Variants in PAK1IP1 observed in about 807,000 individuals in gnomAD.
PAK1IP1 encodes PAK1 interacting protein 1, also known as p21-activated protein kinase-interacting protein 1.
Under a neutral mutation model 42.0 loss-of-function variants are expected in PAK1IP1, and 24 were observed. The ratio of observed to expected loss-of-function variants is 0.57; its 90% CI spans 0.41 to 0.80. The LOEUF (loss-of-function observed/expected upper bound fraction) is 0.80, where lower values mean the gene tolerates loss of function less well. PAK1IP1 is among the 30% of genes least tolerant of loss of function. PAK1IP1 has a pLI of 0.00. For missense variants in PAK1IP1, 411 were observed against 467.9 expected, an observed-to-expected ratio of 0.88 and a Z score of 1.12; for synonymous variants, 154 against 156.7, an observed-to-expected ratio of 0.98 and a Z score of 0.13.
chr6:10,692,725 TTA>T (rs2127474509), upstream of PAK1IP1, among the ~76,000 whole-genome samples: 1 of 151,834 alleles, frequency 6.6e-6, no homozygotes, highest in South Asian at 2.2e-4. Context: ...TCTGGCCATT[TTA>T]TTTTATTTTT....
chr6:10,701,368 C>T (rs907263504), intron 2 of PAK1IP1, among the ~76,000 whole-genome samples: 11 of 152,192 alleles, frequency 7.2e-5, no homozygotes, highest in South Asian at 2.1e-4. Context: ...TGAGCCACCT[C>T]GCCTAGCCAG....
At chr6:10,705,282 C>A (rs1439548692) in intron 7 of PAK1IP1, among the ~76,000 whole-genome samples, 2 of 152,110 alleles carry the variant, frequency 1.3e-5, no homozygotes, top group East Asian at 3.8e-4. Flanking sequence ...CGCACCACTG[C>A]ACTCCAACCT....
Position 10,707,492 on chromosome 6 carries a change from T to G in PAK1IP1, c.818T>G (p.Met273Arg). ...VSASSDGFIK[M>R]WKLKQDKKVP... ...GCATCGAGTGATGGTTTCATCAAAATGTGGAAGCTTAAGCAGGATAAGGTC... is the reference window on the plus strand; with the variant it reads ...GCATCGAGTGATGGTTTCATCAAAAGGTGGAAGCTTAAGCAGGATAAGGTC... The change falls in exon 8 of 10, where the codon ATG (methionine) becomes AGG (arginine). Residue 273 changes from methionine (M) to arginine (R), a missense_variant. Coordinates refer to ENST00000379568, the MANE Select transcript of PAK1IP1 (RefSeq NM_017906.3). 2 of 1,606,242 alleles carry G rather than the reference T, an allele frequency of 1.2e-6. No homozygotes were observed. Among genetic ancestry groups the G allele is most frequent in the Non-Finnish European group, 1.7e-6 (2 of 1,172,736 alleles).
Position 10,707,437 on chromosome 6 carries a change from G to C in PAK1IP1, c.763G>C (p.Glu255Gln). 6.2e-7 allele frequency: 1 copy of C among 1,603,954 alleles called. No homozygotes were observed. The highest frequency in any genetic ancestry group is 1.7e-5 in the Admixed American group (1 of 59,996). The change falls in exon 8 of 10, where the codon GAA becomes CAA. Residue 255 changes from glutamate (E) to glutamine (Q), a missense_variant. Glu to Gln is a conservative substitution (Grantham distance 29). Transcript: ENST00000379568. ...ENRVKDMFSF[E>Q]IPEHHVIVSA... ...TAGGGTAAAGGACATGTTCAGTTTTGAAATTCCAGAGCATCATGTTATTGT... is the reference window on the plus strand; with the variant it reads ...TAGGGTAAAGGACATGTTCAGTTTTCAAATTCCAGAGCATCATGTTATTGT...
upstream of PAK1IP1, among the ~76,000 whole-genome samples, chr6:10,692,923 G>A (rs1351430583): frequency 6.6e-6 from 1 of 152,178 alleles, no homozygotes; most frequent in Non-Finnish European, 1.5e-5. Flanking sequence ...GTTTACATTT[G>A]GCGTGGACAA....
At chr6:10,708,682 GC>G (rs1770281741) in intron 8 of PAK1IP1, among the ~76,000 whole-genome samples, 1 of 149,172 alleles carries the variant, frequency 6.7e-6, no homozygotes, top group Admixed American at 6.7e-5. Flanking sequence ...TCCTCCCCCT[GC>G]CCCCCACCCC....
intron 2 of PAK1IP1, among the ~76,000 whole-genome samples, chr6:10,699,332 T>C (rs1208300342): frequency 6.6e-6 from 1 of 151,808 alleles, no homozygotes; most frequent in Admixed American, 6.6e-5. Flanking sequence ...GATGTGAGCT[T>C]GTGGTCAGCA....
Position 10,695,279 on chromosome 6 carries a change from CA to C in PAK1IP1, c.84+214del, listed in dbSNP as rs891450127. ...GGCAATATCTGCCTTTTCTAGTAGA[CA>C]AAAGGTCCACGGGACACAAAGGAAA... is the stretch of plus-strand genomic sequence containing the variant. On this transcript the variant is annotated intron_variant, in intron 1 of 9. Coordinates refer to ENST00000379568, the MANE Select transcript of PAK1IP1 (RefSeq NM_017906.3). 8.8e-4 allele frequency among the ~76,000 whole-genome samples: 134 copies of C among 152,260 alleles called. 1 individual carries two copies. Among genetic ancestry groups the C allele is most frequent in the African/African-American group, 3.2e-3 (132 of 41,550 alleles).
chr6:10,708,867 C>T, intron 8 of PAK1IP1, 86 bp from the exon 9 acceptor site: 2 of 1,082,192 alleles, frequency 1.8e-6, no homozygotes, highest in South Asian at 1.5e-5. Context: ...CAAGAAAATA[C>T]AGGAAGTTTT....
upstream of PAK1IP1, among the ~76,000 whole-genome samples, chr6:10,692,520 A>C (rs1769420496): frequency 1.3e-5 from 2 of 152,068 alleles, no homozygotes; most frequent in Non-Finnish European, 2.9e-5. Context: ...GGCTCACTGC[A>C]ATCTCCACCT....
At chr6:10,691,394 C>T (rs546647269), upstream of PAK1IP1, among the ~76,000 whole-genome samples, 75 of 152,064 alleles carry the variant, frequency 4.9e-4, 1 homozygote, top group African/African-American at 1.7e-3. Context: ...ATTGACTGAG[C>T]AAGCGGGGGT....
chr6:10,702,464 T>A lies in PAK1IP1; in HGVS notation c.343T>A (p.Cys115Ser). The change falls in exon 3 of 10, where the codon TGC (cysteine) becomes AGC (serine). Residue 115 changes from cysteine to serine, a missense_variant. Cys to Ser is a moderately radical substitution (Grantham distance 112). Transcript: ENST00000379568. ...TATCTGGGATGCAAAGAAATGGGAA[T>A]GCCTGAAGTCAATTAAAGCTCACAA... ...ICIWDAKKWE[C>S]LKSIKAHKGQ... 1 of 1,614,090 alleles carries A rather than the reference T, an allele frequency of 6.2e-7. No homozygotes were observed. The highest frequency in any genetic ancestry group is 8.5e-7 in the Non-Finnish European group (1 of 1,179,978).
intron 5 of PAK1IP1, among the ~76,000 whole-genome samples, chr6:10,704,146 A>G (rs1346863963): frequency 6.6e-6 from 1 of 151,800 alleles, no homozygotes; most frequent in Non-Finnish European, 1.5e-5. Flanking sequence ...TCACCCTCCC[A>G]AGCAGCTGGG....
At chr6:10,702,257 AAAAG>A (rs1469976603) in intron 2 of PAK1IP1, 108 bp from the exon 3 acceptor site, 1 of 871,560 alleles carries the variant, frequency 1.1e-6, no homozygotes, top group East Asian at 2.6e-5. Context: ...AAAAAAAAGA[AAAAG>A]AAAAAAAGGT....
chr6:10,704,426 A>G (rs1007243863), intron 5 of PAK1IP1, 81 bp from the exon 6 acceptor site: 26 of 782,674 alleles, frequency 3.3e-5, no homozygotes, highest in Non-Finnish European at 4.5e-5. Flanking sequence ...TGCACAGTAT[A>G]AATATTTGCT....
At chr6:10,694,876 G>A, upstream of PAK1IP1, 1 of 742,596 alleles carries the variant, frequency 1.3e-6, no homozygotes. Context: ...CGTATAATTC[G>A]AGCGCCGATG....
chr6:10,703,321 C>A, intron 4 of PAK1IP1, 84 bp from the exon 5 acceptor site: 3 of 965,336 alleles, frequency 3.1e-6, no homozygotes, highest in Admixed American at 2.1e-5. Context: ...TAAAATGTCA[C>A]TTAAGTCTTC....
chr6:10,693,521 T>C (rs968664623), upstream of PAK1IP1, among the ~76,000 whole-genome samples: 2 of 152,218 alleles, frequency 1.3e-5, no homozygotes, highest in African/African-American at 2.4e-5. Context: ...AGAAAAGTTA[T>C]TGGAAACAAA....
chr6:10,709,635 T>C lies in PAK1IP1; in HGVS notation c.*183T>C, dbSNP rs1002783555. 4 of 408,450 alleles carry C rather than the reference T, an allele frequency of 9.8e-6. No homozygotes were observed. The highest frequency in any genetic ancestry group is 1.7e-5 in the Non-Finnish European group (4 of 236,566). 25.3% of individuals were successfully genotyped at this position (408,450 alleles called of 1,614,324 possible). A position where few individuals can be genotyped will look rare whatever the true frequency, so the allele number is the denominator to read the frequency against. ...AAAAAAAAAACTGGTAAAATTACTT[T>C]TGGCAGACAGTGTTTTATGAATTAT... On this transcript the variant is annotated 3_prime_UTR_variant, in exon 10 of 10. Transcript: ENST00000379568.
Sources: allele counts gnomAD v4.1 joint callset (sites outside exome capture counted in the v4.1 genomes callset), GRCh38; gene constraint gnomAD v4.1.1; transcripts MANE v1.5; gene names NCBI Gene and HGNC (gene_info 2026-07-23, HGNC 2026-07-21).